PNISR: variants seen among roughly 807,000 people sequenced by gnomAD.
PNISR encodes arginine/serine-rich protein PNISR.
PNISR carries 20 observed loss-of-function variants against 93.4 expected under a neutral mutation model. The ratio of observed to expected loss-of-function variants is 0.21; its 90% CI spans 0.15 to 0.31. The LOEUF is 0.31. Ranked by LOEUF, PNISR falls within the 10% of genes least tolerant of loss-of-function variation. The pLI, the probability that PNISR is intolerant of heterozygous loss-of-function variation, is 1.00. For synonymous variants in PNISR, 305 were observed against 306.5 expected (o/e 0.99, Z 0.05); for missense variants, 893 against 985.4 (o/e 0.91, Z 1.25).
chr6:99,417,685 G>T (rs192578945), intron 1 of PNISR, among the ~76,000 whole-genome samples: 1 of 152,248 alleles, frequency 6.6e-6, no homozygotes, highest in Admixed American at 6.5e-5. Context: ...AAGGTGATCG[G>T]CCGAGCGCGG....
At chr6:99,421,943 G>A (rs547126843) in intron 1 of PNISR, among the ~76,000 whole-genome samples, 7 of 151,872 alleles carry the variant, frequency 4.6e-5, no homozygotes, top group African/African-American at 1.2e-4. Context: ...TCGGCTTACG[G>A]CAACCTCCAC....
In PNISR at chr6:99,398,209, T is replaced by G. The variant is rs930507503; in HGVS notation, c.*2331A>C. On this transcript the variant is annotated 3_prime_UTR_variant, in exon 12 of 12. Transcript: ENST00000369239. ...TAGAAATATTTTTTAATAGAACCTC[T>G]TAAACAAGACATTTTCATTAACCAA... 9.9e-5 allele frequency: 15 copies of G among 152,138 alleles called. No homozygotes were observed. Among genetic ancestry groups the G allele is most frequent in the African/African-American group, 3.4e-4 (14 of 41,436 alleles). 9.4% of individuals were successfully genotyped at this position (152,138 alleles called of 1,614,324 possible). A position where few individuals can be genotyped will look rare whatever the true frequency, so the allele number is the denominator to read the frequency against.
At position 99,400,483 on chromosome 6, in the gene PNISR, T is replaced by C. The variant is rs776733530; in HGVS notation, c.*57A>G. On this transcript the variant is annotated 3_prime_UTR_variant, in exon 12 of 12. Coordinates refer to ENST00000369239, the MANE Select transcript of PNISR (RefSeq NM_032870.4). ...AGAGAGAGAAAGGACACTTTCAACTTTGAATAAATTCAGTCAATTTTTTTT... is the reference window on the plus strand; with the variant it reads ...AGAGAGAGAAAGGACACTTTCAACTCTGAATAAATTCAGTCAATTTTTTTT... 2 of 1,555,132 alleles carry C rather than the reference T, an allele frequency of 1.3e-6. No homozygotes were observed. The highest frequency in any genetic ancestry group is 2.0e-5 in the Admixed American group (1 of 48,922).
chr6:99,410,607 T>C, intron 5 of PNISR, 134 bp downstream of exon 5: 3 of 578,416 alleles, frequency 5.2e-6, no homozygotes, highest in Non-Finnish European at 9.2e-6. Flanking sequence ...CAAAAATTGA[T>C]AACTGAGACA....
rs990848230 is a variant in PNISR, at chr6:99,406,034, T to C, written c.999A>G (p.Gln333=). Residue 333 remains glutamine, a synonymous_variant, in exon 8 of 12, where the codon CAA becomes CAG. Transcript: ENST00000369239. The part of the protein sequence containing the change: ...PEMTEEEKEY[Q]MMLLTKMLLT... ...AGTAAGAACTTTAACATTCTACCAT[T>C]TGATACTCTTTCTCCTCTTCAGTCA... 1.2e-5 allele frequency: 20 copies of C among 1,603,516 alleles called. No individual in the cohort carries two copies. The highest frequency in any genetic ancestry group is 5.6e-5 in the South Asian group (5 of 89,318).
chr6:99,404,337 A>C, intron 9 of PNISR: 2 of 454,524 alleles, frequency 4.4e-6, no homozygotes, highest in Non-Finnish European at 8.0e-6. Context: ...ATCAGGTGAA[A>C]TAAACTGAAC....
intron 10 of PNISR, 47 bp downstream of exon 10, chr6:99,403,782 T>C (rs759926228): frequency 1.5e-6 from 2 of 1,362,424 alleles, no homozygotes; most frequent in Admixed American, 1.7e-5. Context: ...ACAATGTATG[T>C]GTGATTTTTC....
In PNISR at chr6:99,399,591, C is replaced by A. The variant is rs1208515196; in HGVS notation, c.*949G>T. On this transcript the variant is annotated 3_prime_UTR_variant, in exon 12 of 12. Coordinates refer to ENST00000369239, the MANE Select transcript of PNISR (RefSeq NM_032870.4). ...TACTGTCAAACACAATCGTTCCTTACAAATAACTCTACTGGTGCACTGGCT... is the reference window on the plus strand; with the variant it reads ...TACTGTCAAACACAATCGTTCCTTAAAAATAACTCTACTGGTGCACTGGCT... The A allele has an allele frequency of 3.9e-5, 6 of 152,144 alleles. No individual in the cohort carries two copies. Among genetic ancestry groups the A allele is most frequent in the Non-Finnish European group, 8.8e-5 (6 of 67,998 alleles). The allele number at this position is 152,144 out of a possible 1,614,324, so 9.4% of individuals were successfully genotyped here.
intron 3 of PNISR, 126 bp downstream of exon 3, chr6:99,414,446 T>A: frequency 2.2e-6 from 1 of 455,546 alleles, no homozygotes. Context: ...ATGAGAAGAT[T>A]AAATTCTGAC....
At position 99,400,393 on chromosome 6, in the gene PNISR, T is replaced by A. The variant is rs1775304274; in HGVS notation, c.*147A>T. The stretch of plus-strand genomic sequence containing the variant: ...ATCTGCAATTTTAAATAAATAATAT[T>A]ATATAGGATTTCTAACATTTAAGAC... On this transcript the variant is annotated 3_prime_UTR_variant, in exon 12 of 12. Transcript: ENST00000369239. 1 of 1,180,914 alleles carries A rather than the reference T, an allele frequency of 8.5e-7. No homozygotes were observed. Among genetic ancestry groups the A allele is most frequent in the East Asian group, 3.1e-5 (1 of 32,092 alleles). The allele number at this position is 1,180,914 out of a possible 1,614,324, so 73.2% of individuals were successfully genotyped here. A position where few individuals can be genotyped will look rare whatever the true frequency, so the allele number is the denominator to read the frequency against.
intron 1 of PNISR, among the ~76,000 whole-genome samples, chr6:99,420,147 G>A (rs1454396192): frequency 3.3e-5 from 5 of 152,206 alleles, no homozygotes; most frequent in Non-Finnish European, 7.3e-5. Flanking sequence ...TCCCCAAAGT[G>A]CTGGGATTAC....
At position 99,404,932 on chromosome 6, in the gene PNISR, C is replaced by T. The variant is rs377184193; in HGVS notation, c.1003-230G>A. 5.3e-5 allele frequency among the ~76,000 whole-genome samples: 8 copies of T among 152,104 alleles called. 1 individual carries two copies. The highest frequency in any genetic ancestry group is 1.7e-4 in the African/African-American group (7 of 41,518). On this transcript the variant is annotated intron_variant, in intron 8 of 11. Transcript: ENST00000369239. ...TGGCTGGAACTACAGGCGTGCACCA[C>T]CACACCCAGCTAATTTTTGTATTTT... is the stretch of plus-strand genomic sequence containing the variant.
At chr6:99,408,296 G>A in intron 6 of PNISR, 25 bp from the exon 7 acceptor site, 4 of 1,502,274 alleles carry the variant, frequency 2.7e-6, no homozygotes, top group Admixed American at 2.0e-5. Context: ...AAAAATATAC[G>A]CAAGTCAGTT....
intron 7 of PNISR, 94 bp from the exon 8 acceptor site, chr6:99,406,262 G>T: frequency 3.0e-6 from 2 of 672,016 alleles, no homozygotes; most frequent in Non-Finnish European, 4.7e-6. Flanking sequence ...AAATTAAAAA[G>T]TCTATGAAAC....
At chr6:99,402,105 G>A (rs1266185187) in intron 11 of PNISR, among the ~76,000 whole-genome samples, 1 of 152,304 alleles carries the variant, frequency 6.6e-6, no homozygotes, top group East Asian at 1.9e-4. Context: ...TTATAGAGAA[G>A]TCTTAGCTGC....
At chr6:99,404,107 G>A in intron 9 of PNISR, 1 of 511,020 alleles carries the variant, frequency 2.0e-6, no homozygotes, top group Admixed American at 3.8e-5. Flanking sequence ...ATGTTGACAG[G>A]TATATCTGTA....
At position 99,400,330 on chromosome 6, in the gene PNISR, G is replaced by A; in HGVS notation, c.*210C>T. 8.8e-7 allele frequency: 1 copy of A among 1,136,982 alleles called. No homozygotes were observed. The highest frequency in any genetic ancestry group is 1.1e-6 in the Non-Finnish European group (1 of 926,576). The allele number at this position is 1,136,982 out of a possible 1,614,324, so 70.4% of individuals were successfully genotyped here. ...TGTTGATCTGAAAAAAAAGGGAAAA[G>A]ACAAAATTTAAAAATAAAAATGTAT... is the stretch of plus-strand genomic sequence containing the variant. On this transcript the variant is annotated 3_prime_UTR_variant, in exon 12 of 12. Coordinates refer to ENST00000369239, the MANE Select transcript of PNISR (RefSeq NM_032870.4).
At chr6:99,403,126 T>C (rs1188400543) in intron 10 of PNISR, 1 of 152,772 alleles carries the variant, frequency 6.5e-6, no homozygotes, top group African/African-American at 2.4e-5. Flanking sequence ...AAAATTAGAA[T>C]ACTATAATCT....
At chr6:99,409,530 C>T (rs753830948) in intron 5 of PNISR, 186 bp from the exon 6 acceptor site, 12 of 482,630 alleles carry the variant, frequency 2.5e-5, no homozygotes, top group South Asian at 4.1e-5. Context: ...TAAGATTTTC[C>T]GGCTATGTAA....
Sources: gnomAD v4.1 joint callset for allele counts (sites outside exome capture counted in the v4.1 genomes callset) on GRCh38, gnomAD v4.1.1 for gene constraint, MANE v1.5 for transcripts, NCBI Gene and HGNC (gene_info 2026-07-23, HGNC 2026-07-21) for gene names.